The following PSMB2 variants were observed in gnomAD, a reference collection of about 807,000 sequenced individuals.
The protein encoded by PSMB2 is proteasome 20S subunit beta 2, also known as proteasome subunit beta type-2.
PSMB2 carries 13 observed loss-of-function variants against 25.7 expected under a neutral mutation model. That is an observed-to-expected ratio of 0.51 (90% CI 0.33 to 0.80). The LOEUF (loss-of-function observed/expected upper bound fraction) is 0.80. PSMB2 is among the 30% of genes least tolerant of loss of function. PSMB2 has a pLI of 0.02. For synonymous variants in PSMB2, 87 were observed against 96.2 expected, an observed-to-expected ratio of 0.90 and a Z score of 0.56; for missense variants, 202 against 259.0, an observed-to-expected ratio of 0.78 and a Z score of 1.51.
chr1:35,620,736 CA>C (rs1350453472), intron 3 of PSMB2, among the ~76,000 whole-genome samples: 1 of 150,130 alleles, frequency 6.7e-6, no homozygotes, highest in Non-Finnish European at 1.5e-5. Context: ...AAAAAAAAAA[CA>C]AAAAAACCCC....
At chr1:35,608,380 A>G (rs1650234247) in intron 4 of PSMB2, among the ~76,000 whole-genome samples, 2 of 151,638 alleles carry the variant, frequency 1.3e-5, no homozygotes, top group South Asian at 4.2e-4. Context: ...AAAAAAAAAG[A>G]TAGAAAATTA....
chr1:35,636,387 C>A lies in PSMB2; in HGVS notation c.137G>T (p.Cys46Phe), dbSNP rs1396322256. Residue 46 changes from cysteine (C) to phenylalanine (F), a missense_variant, in exon 2 of 6, where the codon TGT becomes TTT. Physicochemically the swap from Cys to Phe is radical, Grantham distance 205. Transcript: ENST00000373237. ...FKMSEKILLL[C>F]VGEAGDTVQF... is the part of the protein sequence containing the mutation. ...TACAGTGTCTCCAGCCTCTCCAACACACAGGAGTAATATCTTTTCACTCAT... is the reference window on the plus strand; with the variant it reads ...TACAGTGTCTCCAGCCTCTCCAACAAACAGGAGTAATATCTTTTCACTCAT... The A allele has an allele frequency of 6.2e-7, 1 of 1,614,012 alleles. No individual in the cohort carries two copies. Among genetic ancestry groups the A allele is most frequent in the Admixed American group, 1.7e-5 (1 of 60,024 alleles).
chr1:35,600,570 T>C lies in PSMB2; in HGVS notation c.*2697A>G. On this transcript the variant is annotated 3_prime_UTR_variant, in exon 6 of 6. Transcript: ENST00000373237. Reference sequence around the variant, plus strand: ...GGGCACTTGGGAAACCAGGTAGCTCTAATTCTCTAAGACAGAATGTCATAG... The same window carrying C: ...GGGCACTTGGGAAACCAGGTAGCTCCAATTCTCTAAGACAGAATGTCATAG... 1.0e-6 allele frequency: 1 copy of C among 985,458 alleles called. No homozygotes were observed. The highest frequency in any genetic ancestry group is 1.2e-6 in the Non-Finnish European group (1 of 829,926). 61.0% of individuals were successfully genotyped at this position (985,458 alleles called of 1,614,324 possible).
chr1:35,631,416 C>G (rs984227015), intron 2 of PSMB2, 72 bp from the exon 3 acceptor site: 1 of 1,597,386 alleles, frequency 6.3e-7, no homozygotes, highest in Non-Finnish European at 8.6e-7. Flanking sequence ...TTATTCACTA[C>G]CCCTGTTCCT....
In PSMB2 at chr1:35,603,074, A is replaced by T; in HGVS notation, c.*193T>A. On this transcript the variant is annotated 3_prime_UTR_variant, in exon 6 of 6. Coordinates refer to ENST00000373237, the MANE Select transcript of PSMB2 (RefSeq NM_002794.5). The stretch of plus-strand genomic sequence containing the variant: ...AAGAAAAGTCAGACCTGGCAAAAAG[A>T]TCATCTTCCCTCCATATCCTTTCTG... 1 of 1,355,360 alleles carries T rather than the reference A, an allele frequency of 7.4e-7. No individual in the cohort carries two copies. The allele number at this position is 1,355,360 out of a possible 1,614,324, so 84.0% of individuals were successfully genotyped here. A position where few individuals can be genotyped will look rare whatever the true frequency, so the allele number is the denominator to read the frequency against.
At chr1:35,628,593 AAAAATATATATAT>A (rs1221808168) in intron 3 of PSMB2, among the ~76,000 whole-genome samples, 58 of 27,214 alleles carry the variant, frequency 2.1e-3, no homozygotes, top group South Asian at 3.3e-3. Context: ...AAAAAAAAAA[AAAAATATATATAT>A]ATATATATAT....
In PSMB2 at chr1:35,599,670, A is replaced by C. The variant is rs1649933461; in HGVS notation, c.*3597T>G. The C allele has an allele frequency of 1.0e-6, 1 of 985,028 alleles. No individual in the cohort carries two copies. Among genetic ancestry groups the C allele is most frequent in the African/African-American group, 1.7e-5 (1 of 57,248 alleles). 61.0% of individuals were successfully genotyped at this position (985,028 alleles called of 1,614,324 possible). On this transcript the variant is annotated 3_prime_UTR_variant, in exon 6 of 6. Coordinates refer to ENST00000373237, the MANE Select transcript of PSMB2 (RefSeq NM_002794.5). ...GGGCTTTATTCTCTTAAGCCATGGA[A>C]AACCACCAGAAAGTTTTAAGGGCAG... is the stretch of plus-strand genomic sequence containing the variant.
intron 1 of PSMB2, among the ~76,000 whole-genome samples, chr1:35,638,133 C>A (rs1651296510): frequency 6.6e-6 from 1 of 152,092 alleles, no homozygotes; most frequent in Non-Finnish European, 1.5e-5. Flanking sequence ...TAGGCAGTAA[C>A]CTGTTCAACT....
At position 35,600,546 on chromosome 1, in the gene PSMB2, G is replaced by A. The variant is rs938246846; in HGVS notation, c.*2721C>T. 1 of 985,268 alleles carries A rather than the reference G, an allele frequency of 1.0e-6. No individual in the cohort carries two copies. Among genetic ancestry groups the A allele is most frequent in the Non-Finnish European group, 1.2e-6 (1 of 829,820 alleles). The allele number at this position is 985,268 out of a possible 1,614,324, so 61.0% of individuals were successfully genotyped here. On this transcript the variant is annotated 3_prime_UTR_variant, in exon 6 of 6. Coordinates refer to ENST00000373237, the MANE Select transcript of PSMB2 (RefSeq NM_002794.5). ...AAATGATGCCTGGGTTTCTGACTTGGGCACTTGGGAAACCAGGTAGCTCTA... is the reference window on the plus strand; with the variant it reads ...AAATGATGCCTGGGTTTCTGACTTGAGCACTTGGGAAACCAGGTAGCTCTA...
intron 3 of PSMB2, among the ~76,000 whole-genome samples, chr1:35,624,113 G>C (rs1438307490): frequency 6.6e-6 from 1 of 152,246 alleles, no homozygotes; most frequent in East Asian, 1.9e-4. Flanking sequence ...TTTGGTCACT[G>C]CTGGAAATGA....
At chr1:35,614,485 A>G (rs941122088) in intron 3 of PSMB2, among the ~76,000 whole-genome samples, 10 of 152,220 alleles carry the variant, frequency 6.6e-5, no homozygotes, top group Non-Finnish European at 1.5e-4. Flanking sequence ...TGTCTCCACT[A>G]TTCTAATTGT....
At chr1:35,628,648 T>TAA (rs1553125214) in intron 3 of PSMB2, among the ~76,000 whole-genome samples, 2 of 34,714 alleles carry the variant, frequency 5.8e-5, no homozygotes, top group Non-Finnish European at 1.7e-4. Context: ...TTTTTTTTTT[T>TAA]AAAGAAAAGA....
intron 3 of PSMB2, among the ~76,000 whole-genome samples, chr1:35,623,618 C>T (rs558060124): frequency 6.6e-6 from 1 of 152,210 alleles, no homozygotes; most frequent in Non-Finnish European, 1.5e-5. Context: ...AAAATAAACA[C>T]ATCTGCCTTT....
At chr1:35,607,307 A>G (rs1369112562) in intron 4 of PSMB2, among the ~76,000 whole-genome samples, 1 of 152,236 alleles carries the variant, frequency 6.6e-6, no homozygotes, top group Admixed American at 6.5e-5. Flanking sequence ...TAATATCCAG[A>G]AAATATAAGG....
intron 2 of PSMB2, among the ~76,000 whole-genome samples, chr1:35,635,386 C>T (rs533432781): frequency 1.6e-3 from 246 of 152,038 alleles, no homozygotes; most frequent in Non-Finnish European, 2.9e-3. Flanking sequence ...GGATTACAGG[C>T]ATGAGCCATC....
At chr1:35,638,791 TG>T (rs1651314752) in intron 1 of PSMB2, among the ~76,000 whole-genome samples, 1 of 152,150 alleles carries the variant, frequency 6.6e-6, no homozygotes, top group Non-Finnish European at 1.5e-5. Flanking sequence ...CCTCAGCAAA[TG>T]TCTACTCTAT....
chr1:35,605,818 C>A (rs907360291), intron 4 of PSMB2, among the ~76,000 whole-genome samples: 8 of 152,124 alleles, frequency 5.3e-5, no homozygotes, highest in African/African-American at 1.7e-4. Context: ...CAAACTGGGA[C>A]GACATGTTAT....
chr1:35,626,004 T>G, intron 3 of PSMB2, among the ~76,000 whole-genome samples: 1 of 151,956 alleles, frequency 6.6e-6, no homozygotes, highest in South Asian at 2.1e-4. Flanking sequence ...ATCTGGCTAA[T>G]TTTTTGTATT....
intron 2 of PSMB2, among the ~76,000 whole-genome samples, chr1:35,631,801 G>A (rs1377397273): frequency 2.0e-5 from 3 of 152,102 alleles, no homozygotes; most frequent in African/African-American, 4.8e-5. Context: ...TGGGAAGATC[G>A]CTTGAGCCCA....
Sources: allele counts gnomAD v4.1 joint callset (sites outside exome capture counted in the v4.1 genomes callset), GRCh38; gene constraint gnomAD v4.1.1; transcripts MANE v1.5; gene names NCBI Gene and HGNC (gene_info 2026-07-23, HGNC 2026-07-21).